NELL1: variants seen among roughly 807,000 people sequenced by gnomAD.
The protein encoded by NELL1 is protein kinase C-binding protein NELL1.
Under a neutral mutation model 107.4 loss-of-function variants are expected in NELL1, and 76 were observed. The ratio of observed to expected loss-of-function variants is 0.71; its 90% CI spans 0.59 to 0.86. The LOEUF is 0.86. Among genes scored for constraint, NELL1 ranks in the 40% least tolerant of loss-of-function variants. The pLI, the probability that NELL1 is intolerant of heterozygous loss-of-function variation, is 0.00. For missense variants in NELL1, 1,024 were observed against 1,005.5 expected (o/e 1.02, Z -0.25); for synonymous variants, 353 against 341.2 (o/e 1.03, Z -0.38).
intron 14 of NELL1, among the ~76,000 whole-genome samples, chr11:21,281,318 G>C (rs892382995): frequency 6.6e-6 from 1 of 152,032 alleles, no homozygotes; most frequent in Non-Finnish European, 1.5e-5. Context: ...AGGCTCCTCT[G>C]CCTGTGGAAA....
chr11:21,322,967 A>AAGCC (rs576037783), intron 14 of NELL1, among the ~76,000 whole-genome samples: 79 of 152,206 alleles, frequency 5.2e-4, no homozygotes, highest in African/African-American at 1.8e-3. Context: ...ATAGAAGCAC[A>AAGCC]AGCCATTGTT....
chr11:20,742,160 G>C (rs1855906390), intron 2 of NELL1, among the ~76,000 whole-genome samples: 1 of 152,176 alleles, frequency 6.6e-6, no homozygotes, highest in Non-Finnish European at 1.5e-5. Context: ...TTTCCAAGAG[G>C]AGACTGTTGT....
chr11:20,706,207 C>A (rs1854948860), intron 2 of NELL1, among the ~76,000 whole-genome samples: 1 of 152,134 alleles, frequency 6.6e-6, no homozygotes, highest in South Asian at 2.1e-4. Context: ...GCTATAAAGA[C>A]ACATGCACAC....
chr11:20,975,536 TATG>T (rs1349199652), intron 12 of NELL1, among the ~76,000 whole-genome samples: 1 of 140,516 alleles, frequency 7.1e-6, no homozygotes, highest in East Asian at 2.1e-4. Flanking sequence ...TTCAATATAT[TATG>T]TATTATATAT....
chr11:21,547,022 T>C (rs1856459790), intron 16 of NELL1, among the ~76,000 whole-genome samples: 2 of 151,970 alleles, frequency 1.3e-5, no homozygotes, highest in African/African-American at 4.8e-5. Context: ...TATGACACAG[T>C]CTTTCCAGTC....
intron 3 of NELL1, among the ~76,000 whole-genome samples, chr11:20,796,224 C>T (rs547627725): frequency 6.6e-6 from 1 of 152,240 alleles, no homozygotes; most frequent in African/African-American, 2.4e-5. Flanking sequence ...TAATCTAAAA[C>T]AATGAATTGC....
Position 20,832,893 on chromosome 11 carries a change from G to A in NELL1, c.336-14690G>A, listed in dbSNP as rs541312984. Among the ~76,000 whole-genome samples the A allele has an allele frequency of 3.2e-4, 48 of 152,260 alleles. 1 individual carries two copies. The highest frequency in any genetic ancestry group is 1.0e-3 in the African/African-American group (43 of 41,552). ...TCTCATCCTCCAGTACTGTGGAGCCGTCAGCACCAGGAACAAAGGAGGGTT... is the reference window on the plus strand; with the variant it reads ...TCTCATCCTCCAGTACTGTGGAGCCATCAGCACCAGGAACAAAGGAGGGTT... On this transcript the variant is annotated intron_variant, in intron 3 of 19. Coordinates refer to ENST00000357134, the MANE Select transcript of NELL1 (RefSeq NM_006157.5).
At chr11:21,567,007 T>G (rs1856988231) in intron 17 of NELL1, among the ~76,000 whole-genome samples, 1 of 151,958 alleles carries the variant, frequency 6.6e-6, no homozygotes, top group Non-Finnish European at 1.5e-5. Flanking sequence ...ATTCATTCTT[T>G]TAATCAGCAC....
chr11:20,926,946 T>C, intron 7 of NELL1: 1 of 170,754 alleles, frequency 5.9e-6, no homozygotes, highest in Admixed American at 6.1e-5. Context: ...TCGGAGTTCC[T>C]GATTAGATCG....
intron 2 of NELL1, among the ~76,000 whole-genome samples, chr11:20,769,046 A>T (rs183975087): frequency 6.6e-6 from 1 of 152,106 alleles, no homozygotes; most frequent in Non-Finnish European, 1.5e-5. Context: ...TGATTGCTAC[A>T]TGGGATAGAG....
At chr11:20,983,984 C>A (rs1380644313) in intron 12 of NELL1, among the ~76,000 whole-genome samples, 1 of 152,132 alleles carries the variant, frequency 6.6e-6, no homozygotes, top group Non-Finnish European at 1.5e-5. Context: ...TCTAGTCCCT[C>A]TTCCTGCAGC....
intron 2 of NELL1, among the ~76,000 whole-genome samples, chr11:20,694,012 C>G (rs538348095): frequency 1.7e-4 from 26 of 152,036 alleles, no homozygotes; most frequent in African/African-American, 6.0e-4. Context: ...TCTAAACTTC[C>G]CTTCTCGCTT....
chr11:21,568,612 A>G lies in NELL1; in HGVS notation c.1981-2152A>G, dbSNP rs145102862. Among the ~76,000 whole-genome samples the G allele has an allele frequency of 6.9e-3, 1,052 of 151,988 alleles. 11 individuals are homozygous for G. Among genetic ancestry groups the G allele is most frequent in the Non-Finnish European group, 0.011 (718 of 67,898 alleles). ...AATACTTTCTTTATATTCTTATTCT[A>G]TAAGCTTTTTCTAATTTTTTAAAAC... On this transcript the variant is annotated intron_variant, in intron 17 of 19. Coordinates refer to ENST00000357134, the MANE Select transcript of NELL1 (RefSeq NM_006157.5).
chr11:21,095,255 A>C (rs1354304890), intron 12 of NELL1, among the ~76,000 whole-genome samples: 1 of 152,180 alleles, frequency 6.6e-6, no homozygotes, highest in African/African-American at 2.4e-5. Flanking sequence ...AGACCACCTC[A>C]GCCTGAACCT....
At chr11:20,996,054 A>G (rs932968454) in intron 12 of NELL1, among the ~76,000 whole-genome samples, 2 of 152,124 alleles carry the variant, frequency 1.3e-5, no homozygotes, top group Non-Finnish European at 2.9e-5. Flanking sequence ...TGAAATTATT[A>G]CCCTGCCATT....
chr11:21,376,714 C>A (rs897951964), intron 15 of NELL1, among the ~76,000 whole-genome samples: 1 of 151,982 alleles, frequency 6.6e-6, no homozygotes, highest in Non-Finnish European at 1.5e-5. Flanking sequence ...TTTGTGTCAT[C>A]TATGATTTAT....
intron 15 of NELL1, among the ~76,000 whole-genome samples, chr11:21,499,732 G>A (rs11026111): frequency 0.39 from 59,737 of 151,854 alleles, 13,087 homozygotes; most frequent in Non-Finnish European, 0.51. Context: ...TGACTCTCTG[G>A]GAAAGGAATA....
intron 2 of NELL1, among the ~76,000 whole-genome samples, chr11:20,740,090 A>G (rs553133881): frequency 1.3e-5 from 2 of 152,336 alleles, no homozygotes; most frequent in South Asian, 2.1e-4. Flanking sequence ...TGAGGGAAGA[A>G]TAGCCAACAC....
At chr11:21,380,010 C>T (rs1245726213) in intron 15 of NELL1, among the ~76,000 whole-genome samples, 1 of 152,066 alleles carries the variant, frequency 6.6e-6, no homozygotes, top group Non-Finnish European at 1.5e-5. Context: ...TATTTCCTCT[C>T]CAGTTATCAC....
Sources: gnomAD v4.1 joint callset for allele counts (sites outside exome capture counted in the v4.1 genomes callset) on GRCh38, gnomAD v4.1.1 for gene constraint, MANE v1.5 for transcripts, NCBI Gene and HGNC (gene_info 2026-07-23, HGNC 2026-07-21) for gene names.